The following RAB8A variants were observed in gnomAD, a reference collection of about 807,000 sequenced individuals.
The protein encoded by RAB8A is ras-related protein Rab-8A.
RAB8A carries 5 observed loss-of-function variants against 29.2 expected under a neutral mutation model. The ratio of observed to expected loss-of-function variants is 0.17; its 90% CI spans 0.09 to 0.36. The LOEUF (loss-of-function observed/expected upper bound fraction) is 0.36. Among genes scored for constraint, RAB8A ranks in the 10% least tolerant of loss-of-function variants. RAB8A has a pLI of 1.00. For missense variants in RAB8A, 171 were observed against 272.2 expected, an observed-to-expected ratio of 0.63 and a Z score of 2.62; for synonymous variants, 108 against 99.9, an observed-to-expected ratio of 1.08 and a Z score of -0.49.
Position 16,125,609 on chromosome 19 carries a change from T to C in RAB8A, c.324+62T>C. The stretch of plus-strand genomic sequence containing the variant: ...AGTCCTTGTCCCAGAGCCCTCTGGT[T>C]TACTCATGAGAAGGCCAAGGTGCAG... On this transcript the variant is annotated intron_variant, in intron 4 of 7. Transcript: ENST00000300935. This position sits in a 1 kb window ranked among gnomAD's most constrained non-coding sequence, Gnocchi z 5.0. 7 of 1,502,440 alleles carry C rather than the reference T, an allele frequency of 4.7e-6. No individual in the cohort carries two copies. The highest frequency in any genetic ancestry group is 6.4e-6 in the Non-Finnish European group (7 of 1,088,534). The allele number at this position is 1,502,440 out of a possible 1,614,324, so 93.1% of individuals were successfully genotyped here.
At chr19:16,120,235 T>C (rs2090868260) in intron 2 of RAB8A, among the ~76,000 whole-genome samples, 1 of 151,780 alleles carries the variant, frequency 6.6e-6, no homozygotes, top group Non-Finnish European at 1.5e-5. Flanking sequence ...AGCAGGGCCG[T>C]GGGAGGAACC....
chr19:16,114,018 C>T (rs895938760), intron 1 of RAB8A, among the ~76,000 whole-genome samples: 5 of 152,146 alleles, frequency 3.3e-5, no homozygotes, highest in African/African-American at 4.8e-5. Context: ...CACTCCAAGG[C>T]TAAACTTTAG....
In RAB8A at chr19:16,127,703, CGG is replaced by C; in HGVS notation, c.414+179_414+180del. On this transcript the variant is annotated intron_variant, in intron 5 of 7. Coordinates refer to ENST00000300935, the MANE Select transcript of RAB8A (RefSeq NM_005370.5). This position sits in a 1 kb window ranked among gnomAD's most constrained non-coding sequence, Gnocchi z 4.8. ...GCCGGGGCTTCTTGGGTGCACTCTG[CGG>C]GCATCTCATCAAAACCTACCATGGC... 1 of 610,274 alleles carries C rather than the reference CGG, an allele frequency of 1.6e-6. No individual in the cohort carries two copies. The highest frequency in any genetic ancestry group is 2.9e-6 in the Non-Finnish European group (1 of 348,466). 37.8% of individuals were successfully genotyped at this position (610,274 alleles called of 1,614,324 possible).
At chr19:16,112,128 G>T (rs1488141684) in intron 1 of RAB8A, 103 bp downstream of exon 1, 8 of 1,484,440 alleles carry the variant, frequency 5.4e-6, no homozygotes, top group African/African-American at 1.4e-5. Flanking sequence ...GGCCGAGGGC[G>T]CTGAGAGGGT....
chr19:16,117,675 T>G (rs2090852409), intron 1 of RAB8A, among the ~76,000 whole-genome samples: 1 of 150,956 alleles, frequency 6.6e-6, no homozygotes, highest in African/African-American at 2.4e-5. Context: ...GAAGATGGGG[T>G]CAGGAAGGCT....
At chr19:16,113,470 C>G (rs752260070) in intron 1 of RAB8A, among the ~76,000 whole-genome samples, 1 of 152,114 alleles carries the variant, frequency 6.6e-6, no homozygotes, top group African/African-American at 2.4e-5. Flanking sequence ...GGCAGGATCT[C>G]GGGTCACTAC....
At chr19:16,131,331 G>A (rs1356947714) in intron 7 of RAB8A, among the ~76,000 whole-genome samples, 1 of 152,236 alleles carries the variant, frequency 6.6e-6, no homozygotes, top group Non-Finnish European at 1.5e-5. Flanking sequence ...TCAGTTGTAA[G>A]AGAATTGGAT....
chr19:16,118,299 G>C lies in RAB8A; in HGVS notation c.185+13G>C. On this transcript the variant is annotated intron_variant, in intron 2 of 7. Coordinates refer to ENST00000300935, the MANE Select transcript of RAB8A (RefSeq NM_005370.5). ...AACTGCAGATATGGTAAGAGTCATTGTTCTCTGTCATTCTCTCCACCTGGC... is the reference window on the plus strand; with the variant it reads ...AACTGCAGATATGGTAAGAGTCATTCTTCTCTGTCATTCTCTCCACCTGGC... The C allele has an allele frequency of 6.2e-7, 1 of 1,607,354 alleles. No homozygotes were observed. Among genetic ancestry groups the C allele is most frequent in the Non-Finnish European group, 8.5e-7 (1 of 1,175,568 alleles).
At chr19:16,115,531 T>C (rs541263399) in intron 1 of RAB8A, among the ~76,000 whole-genome samples, 1 of 152,194 alleles carries the variant, frequency 6.6e-6, no homozygotes, top group African/African-American at 2.4e-5. Context: ...CAGGGGCCCA[T>C]TGATTCCTCC....
intron 2 of RAB8A, among the ~76,000 whole-genome samples, chr19:16,121,109 G>A (rs1312756225): frequency 6.6e-6 from 1 of 150,934 alleles, no homozygotes; most frequent in African/African-American, 2.4e-5. Flanking sequence ...TAGGGACGGG[G>A]TTTCACCAAG....
In RAB8A at chr19:16,122,070, C is replaced by T; in HGVS notation, c.246+260C>T. ...AATTCTTTGGGAATGAAGAAAGACA[C>T]AGGAAGCCGGTTCTTCCAGGTGAGC... On this transcript the variant is annotated intron_variant, in intron 3 of 7. Transcript: ENST00000300935. The surrounding 1 kb of genome is among the most constrained non-coding windows in gnomAD (Gnocchi z 4.7). The T allele has an allele frequency of 2.4e-6, 1 of 413,170 alleles. No individual in the cohort carries two copies. Among genetic ancestry groups the T allele is most frequent in the South Asian group, 4.3e-5 (1 of 23,326 alleles). 25.6% of individuals were successfully genotyped at this position (413,170 alleles called of 1,614,324 possible).
intron 2 of RAB8A, among the ~76,000 whole-genome samples, chr19:16,120,699 C>T (rs1172363627): frequency 4.6e-5 from 7 of 151,724 alleles, no homozygotes; most frequent in Non-Finnish European, 1.5e-5. Flanking sequence ...CAACCTCCAC[C>T]TCCCAGGTTC....
chr19:16,116,169 A>G (rs151047701), intron 1 of RAB8A, among the ~76,000 whole-genome samples: 6 of 152,344 alleles, frequency 3.9e-5, no homozygotes, highest in Admixed American at 6.5e-5. Flanking sequence ...TACAGAAGAA[A>G]GAACTTTCCA....
intron 1 of RAB8A, among the ~76,000 whole-genome samples, chr19:16,113,425 G>A (rs187021368): frequency 3.4e-4 from 52 of 151,992 alleles, no homozygotes; most frequent in Middle Eastern, 3.4e-3. Flanking sequence ...TTTTTGAGAC[G>A]GAGTCTAGCT....
intron 7 of RAB8A, among the ~76,000 whole-genome samples, chr19:16,130,144 C>T (rs939198043): frequency 1.9e-4 from 27 of 144,110 alleles, no homozygotes; most frequent in Admixed American, 4.3e-4. Flanking sequence ...CCCTCTCATT[C>T]GTTTCTTGCT....
intron 2 of RAB8A, among the ~76,000 whole-genome samples, chr19:16,118,991 C>T (rs1401255937): frequency 6.6e-6 from 1 of 152,206 alleles, no homozygotes; most frequent in Non-Finnish European, 1.5e-5. Context: ...GTCACTGGCC[C>T]TGAGCAAAAC....
intron 2 of RAB8A, 117 bp from the exon 3 acceptor site, chr19:16,121,633 G>A (rs1402646412): frequency 1.2e-6 from 1 of 849,844 alleles, no homozygotes; most frequent in Non-Finnish European, 2.0e-6. Context: ...GCAGAAGAAG[G>A]TATCACAGTG....
chr19:16,123,205 T>C (rs750164027), intron 3 of RAB8A, among the ~76,000 whole-genome samples: 23 of 152,182 alleles, frequency 1.5e-4, no homozygotes, highest in Non-Finnish European at 7.3e-5. Context: ...AGCACCCACA[T>C]CCTCAACCAG....
intron 7 of RAB8A, among the ~76,000 whole-genome samples, chr19:16,131,366 ATGGT>A (rs2090923594): frequency 1.3e-5 from 2 of 152,182 alleles, no homozygotes; most frequent in South Asian, 4.1e-4. Flanking sequence ...TAATGGATGG[ATGGT>A]TGGTTGAAAG....
Sources: gnomAD v4.1 joint callset for allele counts (sites outside exome capture counted in the v4.1 genomes callset) on GRCh38, gnomAD v4.1.1 for gene constraint, Gnocchi (gnomAD v3.1) non-coding constraint, MANE v1.5 for transcripts, NCBI Gene and HGNC (gene_info 2026-07-23, HGNC 2026-07-21) for gene names.